Variants in BMP2K observed in about 807,000 individuals in gnomAD.
BMP2K encodes BMP-2-inducible protein kinase.
In BMP2K, 74 loss-of-function variants were observed where a neutral mutation model predicts 116.0. That is an observed-to-expected ratio of 0.64 (90% CI 0.53 to 0.77). The LOEUF (loss-of-function observed/expected upper bound fraction) is 0.77. Ranked by LOEUF, BMP2K falls within the 30% of genes least tolerant of loss-of-function variation. The pLI, the probability that BMP2K is intolerant of heterozygous loss-of-function variation, is 0.00. For synonymous variants in BMP2K, 486 were observed against 502.5 expected, an observed-to-expected ratio of 0.97 and a Z score of 0.44; for missense variants, 1,365 against 1,403.6, an observed-to-expected ratio of 0.97 and a Z score of 0.44.
At chr4:78,878,702 T>A (rs1284212388) in intron 13 of BMP2K, 32 bp from the exon 14 acceptor site, 1 of 1,512,822 alleles carries the variant, frequency 6.6e-7, no homozygotes, top group Non-Finnish European at 9.0e-7. Context: ...TTTCTTTCCA[T>A]CTTCTTTTTT....
chr4:78,810,432 C>G (rs971940373), intron 1 of BMP2K, among the ~76,000 whole-genome samples: 1 of 152,134 alleles, frequency 6.6e-6, no homozygotes, highest in African/African-American at 2.4e-5. Context: ...TTTGGTCGAC[C>G]TCTTTTTATC....
intron 14 of BMP2K, among the ~76,000 whole-genome samples, chr4:78,886,598 G>C (rs1356015773): frequency 6.6e-6 from 1 of 152,086 alleles, no homozygotes; most frequent in Non-Finnish European, 1.5e-5. Context: ...CTTGTTGAAT[G>C]AATCAATAAA....
At chr4:78,783,998 A>T (rs1222449363) in intron 1 of BMP2K, among the ~76,000 whole-genome samples, 1 of 152,136 alleles carries the variant, frequency 6.6e-6, no homozygotes, top group Non-Finnish European at 1.5e-5. Context: ...ATTTGTTAGT[A>T]TGTTTCATCA....
chr4:78,780,140 TTAA>T (rs1352271131), intron 1 of BMP2K, among the ~76,000 whole-genome samples: 1 of 152,290 alleles, frequency 6.6e-6, no homozygotes, highest in East Asian at 1.9e-4. Context: ...TCTGAGGAAT[TTAA>T]TACTGATTGA....
chr4:78,891,944 C>T (rs1275990580), intron 15 of BMP2K, among the ~76,000 whole-genome samples: 2 of 152,292 alleles, frequency 1.3e-5, no homozygotes, highest in East Asian at 1.9e-4. Flanking sequence ...GCCAAACCGA[C>T]ACTGAATTTC....
chr4:78,894,788 C>T (rs1387423486), intron 15 of BMP2K, among the ~76,000 whole-genome samples: 7 of 152,330 alleles, frequency 4.6e-5, no homozygotes, highest in Non-Finnish European at 8.8e-5. Flanking sequence ...GTGCTTTCCT[C>T]TCTAAGCTTA....
intron 15 of BMP2K, among the ~76,000 whole-genome samples, chr4:78,889,540 G>C (rs1355491012): frequency 6.6e-6 from 1 of 152,046 alleles, no homozygotes; most frequent in Non-Finnish European, 1.5e-5. Context: ...TGTATTTGGG[G>C]ACATTCATTT....
chr4:78,862,227 A>C (rs2110047388), intron 9 of BMP2K, among the ~76,000 whole-genome samples: 1 of 152,236 alleles, frequency 6.6e-6, no homozygotes, highest in Admixed American at 6.6e-5. Context: ...AGACAATTTA[A>C]ACACAAAGAA....
chr4:78,868,260 GAAAAT>G (rs770277869), intron 10 of BMP2K, among the ~76,000 whole-genome samples: 1 of 152,030 alleles, frequency 6.6e-6, no homozygotes, highest in East Asian at 1.9e-4. Flanking sequence ...GGCAACAAGA[GAAAAT>G]GAGGAGGAAG....
intron 2 of BMP2K, among the ~76,000 whole-genome samples, chr4:78,831,538 T>A (rs1000096492): frequency 3.3e-5 from 5 of 152,252 alleles, no homozygotes; most frequent in African/African-American, 1.2e-4. Context: ...TCCTACTGTC[T>A]GAATTCTGTG....
chr4:78,904,837 T>C (rs983638900), intron 15 of BMP2K, among the ~76,000 whole-genome samples: 2 of 151,894 alleles, frequency 1.3e-5, no homozygotes, highest in African/African-American at 2.4e-5. Context: ...TTATTATATA[T>C]TGTGAAAGTC....
chr4:78,891,672 T>A (rs1452123729), intron 15 of BMP2K, among the ~76,000 whole-genome samples: 1 of 152,212 alleles, frequency 6.6e-6, no homozygotes, highest in Non-Finnish European at 1.5e-5. Flanking sequence ...TATTTTAATT[T>A]GTCTGAGGAT....
In BMP2K at chr4:78,833,572, T is replaced by G; in HGVS notation, c.298-10T>G. 6.4e-7 allele frequency: 1 copy of G among 1,556,300 alleles called. No homozygotes were observed. Among genetic ancestry groups the G allele is most frequent in the Non-Finnish European group, 8.7e-7 (1 of 1,152,490 alleles). ...CATTTTCCAGTTTTCATTTTTTTTTTTCTTTCCAGAAAGAGCTATCTGGTC... is the reference window on the plus strand; with the variant it reads ...CATTTTCCAGTTTTCATTTTTTTTTGTCTTTCCAGAAAGAGCTATCTGGTC... On this transcript the variant is annotated splice_polypyrimidine_tract_variant and intron_variant, in intron 2 of 15. Coordinates refer to ENST00000502613, the MANE Select transcript of BMP2K (RefSeq NM_198892.2).
At position 78,872,657 on chromosome 4, in the gene BMP2K, C is replaced by T; in HGVS notation, c.1652C>T (p.Ala551Val). 2 of 1,614,096 alleles carry T rather than the reference C, an allele frequency of 1.2e-6. No homozygotes were observed. The highest frequency in any genetic ancestry group is 1.7e-6 in the Non-Finnish European group (2 of 1,179,984). The change falls in exon 13 of 16, where the codon GCT becomes GTT. Residue 551 changes from alanine to valine, a missense_variant. Transcript: ENST00000502613. Reference sequence around the variant, plus strand: ...GCTTTCTTTCAACAGCAGATGCTAGCTCAACATCAGCCGTCTCAACAACAG... The same window carrying T: ...GCTTTCTTTCAACAGCAGATGCTAGTTCAACATCAGCCGTCTCAACAACAG... ...QQAFFQQQML[A>V]QHQPSQQQAS... is the part of the protein sequence containing the mutation.
Position 78,850,750 on chromosome 4 carries a change from TA to T in BMP2K, c.751-173del. On this transcript the variant is annotated intron_variant, in intron 6 of 15. Transcript: ENST00000502613. ...ATGTGATAGAAGATCATGGAAATGA[TA>T]TAGTTAAATGTCTTTTCAAAAATTA... is the stretch of plus-strand genomic sequence containing the variant. 5.8e-6 allele frequency: 3 copies of T among 513,310 alleles called. No individual in the cohort carries two copies. The South Asian group carries it at 1.3e-4, about 23-fold the overall frequency. 31.8% of individuals were successfully genotyped at this position (513,310 alleles called of 1,614,324 possible).
intron 2 of BMP2K, among the ~76,000 whole-genome samples, chr4:78,832,187 C>G (rs186887561): frequency 1.3e-5 from 2 of 152,062 alleles, no homozygotes; most frequent in Admixed American, 1.3e-4. Flanking sequence ...TGCTTGAGTA[C>G]CTGGTTTCAG....
intron 7 of BMP2K, among the ~76,000 whole-genome samples, chr4:78,857,718 G>T (rs988780097): frequency 6.6e-6 from 1 of 152,076 alleles, no homozygotes; most frequent in Admixed American, 6.6e-5. Flanking sequence ...TATTCCTTAA[G>T]GATGTTGTTC....
intron 1 of BMP2K, among the ~76,000 whole-genome samples, chr4:78,825,758 C>T (rs886540990): frequency 4.6e-5 from 7 of 152,206 alleles, no homozygotes; most frequent in African/African-American, 1.2e-4. Context: ...ACATTTTTCA[C>T]TATACTACAT....
chr4:78,883,695 T>A (rs1421686123), intron 14 of BMP2K, among the ~76,000 whole-genome samples: 2 of 152,194 alleles, frequency 1.3e-5, no homozygotes, highest in Non-Finnish European at 2.9e-5. Flanking sequence ...ACCCAGTGCA[T>A]GAGGATTTAA....
Sources: allele counts gnomAD v4.1 joint callset (sites outside exome capture counted in the v4.1 genomes callset), GRCh38; gene constraint gnomAD v4.1.1; transcripts MANE v1.5; gene names NCBI Gene and HGNC (gene_info 2026-07-23, HGNC 2026-07-21).